TAMM41: variants seen among roughly 807,000 people sequenced by gnomAD.
TAMM41 encodes the protein phosphatidate cytidylyltransferase, mitochondrial.
In TAMM41, 36 loss-of-function variants were observed where a neutral mutation model predicts 44.1. That is an observed-to-expected ratio of 0.82 (90% CI 0.63 to 1.08). TAMM41 has a LOEUF of 1.08. Among genes scored for constraint, TAMM41 ranks in the 50% least tolerant of loss-of-function variants. TAMM41 has a pLI of 0.00. For missense variants in TAMM41, 417 were observed against 404.3 expected (o/e 1.03, Z -0.27); for synonymous variants, 164 against 153.1 (o/e 1.07, Z -0.53).
chr3:11,754,708 C>CTCTCT, the TAMM41 span, among the ~76,000 whole-genome samples: 53 of 103,554 alleles, frequency 5.1e-4, no homozygotes, highest in African/African-American at 1.1e-3. Flanking sequence ...TCTCAGATCT[C>CTCTCT]TTTTTTTTTT....
chr3:11,784,262 AGGAGGGCAG>A, the TAMM41 span, among the ~76,000 whole-genome samples: 1 of 152,232 alleles, frequency 6.6e-6, no homozygotes, highest in African/African-American at 2.4e-5. Context: ...TGGGAGGCCG[AGGAGGGCAG>A]ATCACTTGAG....
chr3:11,729,158 A>C, the TAMM41 span, among the ~76,000 whole-genome samples: 2 of 152,122 alleles, frequency 1.3e-5, no homozygotes, highest in African/African-American at 4.8e-5. Flanking sequence ...CAGACATCTG[A>C]GTGGCATCTA....
At chr3:11,802,876 G>A (rs1359059404) in intron 7 of TAMM41, among the ~76,000 whole-genome samples, 2 of 152,132 alleles carry the variant, frequency 1.3e-5, no homozygotes, top group Non-Finnish European at 2.9e-5. Context: ...TTTATCCCAG[G>A]GATGCAAGGA....
chr3:11,804,032 G>A (rs1167475755), intron 7 of TAMM41, among the ~76,000 whole-genome samples: 1 of 152,136 alleles, frequency 6.6e-6, no homozygotes, highest in African/African-American at 2.4e-5. Flanking sequence ...ACTTCACCAT[G>A]TAAGAAAAAT....
intron 7 of TAMM41, among the ~76,000 whole-genome samples, chr3:11,792,197 T>C (rs980164916): frequency 6.6e-6 from 1 of 151,838 alleles, no homozygotes; most frequent in Non-Finnish European, 1.5e-5. Context: ...TTGCTGCTAG[T>C]GGACAGAAAT....
At chr3:11,765,338 G>A in the TAMM41 span, among the ~76,000 whole-genome samples, 3 of 152,106 alleles carry the variant, frequency 2.0e-5, no homozygotes, top group East Asian at 5.8e-4. Flanking sequence ...TTACTATGAG[G>A]CAGGTACTTA....
At chr3:11,813,897 T>C (rs1482470161) in intron 5 of TAMM41, among the ~76,000 whole-genome samples, 8 of 147,838 alleles carry the variant, frequency 5.4e-5, no homozygotes, top group Non-Finnish European at 7.4e-5. Flanking sequence ...TATGTGTATA[T>C]ATGTATATAT....
chr3:11,839,337 C>A (rs768961533), intron 2 of TAMM41, 23 bp from the exon 3 acceptor site: 3 of 1,457,376 alleles, frequency 2.1e-6, no homozygotes, highest in African/African-American at 1.4e-5. Context: ...AGAAATGGCA[C>A]AAAACGGAGT....
At chr3:11,744,853 C>G in the TAMM41 span, among the ~76,000 whole-genome samples, 1 of 147,128 alleles carries the variant, frequency 6.8e-6, no homozygotes, top group East Asian at 2.0e-4. Flanking sequence ...ACTGCAAGAC[C>G]TCATCTCTAC....
chr3:11,811,093 T>A (rs892928166), intron 5 of TAMM41: 1 of 151,926 alleles, frequency 6.6e-6, no homozygotes, highest in South Asian at 2.1e-4. Flanking sequence ...AAAAAGTATA[T>A]ACCAAATACC....
chr3:11,741,048 G>A, the TAMM41 span, among the ~76,000 whole-genome samples: 5 of 145,106 alleles, frequency 3.4e-5, no homozygotes, highest in South Asian at 4.3e-4. Context: ...GTGAAACCCC[G>A]CCTCTACTAA....
chr3:11,796,187 G>C (rs538683472), intron 7 of TAMM41, among the ~76,000 whole-genome samples: 2 of 152,266 alleles, frequency 1.3e-5, no homozygotes, highest in South Asian at 4.1e-4. Context: ...TTACTAGGAA[G>C]GGCAGTCCTC....
At chr3:11,734,667 G>C in the TAMM41 span, among the ~76,000 whole-genome samples, 1 of 152,248 alleles carries the variant, frequency 6.6e-6, no homozygotes, top group South Asian at 2.1e-4. Context: ...CTCATGATTA[G>C]CAGGGAAGAA....
At position 11,834,341 on chromosome 3, in the gene TAMM41, C is replaced by T. The variant is rs374680253; in HGVS notation, c.412-4477G>A. 5.9e-5 allele frequency among the ~76,000 whole-genome samples: 9 copies of T among 152,168 alleles called. No individual in the cohort carries two copies. In the East Asian group the frequency reaches 1.7e-3, roughly 29 times the overall value. ...TCTTAACAAGGTGGCAAAAAAACCA[C>T]TGCATGTCAATATAAATGTCTTAAA... On this transcript the variant is annotated intron_variant, in intron 3 of 7. Transcript: ENST00000455809.
downstream of TAMM41, among the ~76,000 whole-genome samples, chr3:11,789,642 G>A (rs920129039): frequency 6.6e-6 from 1 of 152,174 alleles, no homozygotes; most frequent in Non-Finnish European, 1.5e-5. Flanking sequence ...TACTGGCTCT[G>A]GGATGGGCAT....
chr3:11,814,412 C>T lies in TAMM41; in HGVS notation c.708+2780G>A, dbSNP rs182333259. On this transcript the variant is annotated intron_variant, in intron 5 of 7. Coordinates refer to ENST00000455809, the MANE Select transcript of TAMM41 (RefSeq NM_001284401.2). ...AAGAATAGGAAGCTATAAGAAAGAA[C>T]ATTTTGGGAAAATTAAAAATTTAGT... 1.1e-4 allele frequency among the ~76,000 whole-genome samples: 17 copies of T among 151,970 alleles called. No individual in the cohort carries two copies. The East Asian group carries it at 2.1e-3, about 19-fold the overall frequency.
At position 11,832,481 on chromosome 3, in the gene TAMM41, A is replaced by T. The variant is rs544854372; in HGVS notation, c.412-2617T>A. 2.4e-4 allele frequency among the ~76,000 whole-genome samples: 37 copies of T among 152,288 alleles called. No individual in the cohort carries two copies. In the South Asian group the frequency reaches 3.7e-3, roughly 15 times the overall value. On this transcript the variant is annotated intron_variant, in intron 3 of 7. Transcript: ENST00000455809. The stretch of plus-strand genomic sequence containing the variant: ...AATACTAGGCCATTTTATATCAGAG[A>T]CGTGAATTCTGAGGGTGGGTGCAGG...
downstream of TAMM41, among the ~76,000 whole-genome samples, chr3:11,785,747 C>T (rs1052965730): frequency 6.6e-6 from 1 of 152,156 alleles, no homozygotes; most frequent in Non-Finnish European, 1.5e-5. Flanking sequence ...TCCCAAGTAG[C>T]TGGGACCACG....
At chr3:11,769,761 A>G in the TAMM41 span, among the ~76,000 whole-genome samples, 1 of 152,246 alleles carries the variant, frequency 6.6e-6, no homozygotes, top group Non-Finnish European at 1.5e-5. Flanking sequence ...AGGGAAGTGC[A>G]ACCAAGGCAG....
Sources: gnomAD v4.1 joint callset for allele counts (sites outside exome capture counted in the v4.1 genomes callset) on GRCh38, gnomAD v4.1.1 for gene constraint, MANE v1.5 for transcripts, NCBI Gene and HGNC (gene_info 2026-07-23, HGNC 2026-07-21) for gene names.